NR1D2: variants seen among roughly 807,000 people sequenced by gnomAD.
The protein encoded by NR1D2 is V-erbA-related protein 1-related.
In NR1D2, 25 loss-of-function variants were observed where a neutral mutation model predicts 52.2. That is an observed-to-expected ratio of 0.48 (90% confidence interval 0.35 to 0.67). The LOEUF is 0.67. NR1D2 is among the 30% of genes least tolerant of loss of function. The pLI is 0.01. For missense variants in NR1D2, 681 were observed against 707.2 expected, an observed-to-expected ratio of 0.96 and a Z score of 0.42; for synonymous variants, 259 against 230.1, an observed-to-expected ratio of 1.13 and a Z score of -1.14.
At chr3:23,949,562 T>C (rs1247744929) in intron 1 of NR1D2, among the ~76,000 whole-genome samples, 1 of 152,236 alleles carries the variant, frequency 6.6e-6, no homozygotes, top group Non-Finnish European at 1.5e-5. Flanking sequence ...TTGCTCCTAA[T>C]AACATAGGTG....
intron 5 of NR1D2, chr3:23,963,491 C>A: frequency 2.4e-6 from 2 of 817,522 alleles, no homozygotes; most frequent in Non-Finnish European, 3.0e-6. Context: ...GCTCTGTTGC[C>A]CAGGCTGGAG....
At chr3:23,948,010 T>A (rs1575143885) in intron 1 of NR1D2, among the ~76,000 whole-genome samples, 4 of 151,744 alleles carry the variant, frequency 2.6e-5, no homozygotes, top group African/African-American at 2.4e-5. Context: ...CCCAGCTACT[T>A]ATGAGGCTGA....
chr3:23,946,375 G>A (rs1559327516), intron 1 of NR1D2: 1 of 872,602 alleles, frequency 1.1e-6, no homozygotes, highest in Non-Finnish European at 1.4e-6. Flanking sequence ...CAGGCCGGAG[G>A]AGGCGCCTCG....
At chr3:23,968,793 G>T (rs1027635139) in intron 7 of NR1D2, among the ~76,000 whole-genome samples, 3 of 152,160 alleles carry the variant, frequency 2.0e-5, no homozygotes, top group Non-Finnish European at 4.4e-5. Flanking sequence ...ACTTTCCTGG[G>T]TATGTCTAAG....
At chr3:23,963,923 T>G (rs1465337622) in intron 5 of NR1D2, among the ~76,000 whole-genome samples, 5 of 151,548 alleles carry the variant, frequency 3.3e-5, no homozygotes, top group Non-Finnish European at 5.9e-5. Context: ...TTTGGTGTTT[T>G]TTTTTTTTTT....
intron 7 of NR1D2, among the ~76,000 whole-genome samples, chr3:23,975,209 C>T (rs113621500): frequency 7.1e-4 from 108 of 152,224 alleles, no homozygotes; most frequent in African/African-American, 1.4e-3. Context: ...CAGCCTTGAC[C>T]TGGGTTTAAG....
chr3:23,975,188 G>A (rs1350313538), intron 7 of NR1D2, among the ~76,000 whole-genome samples: 1 of 151,894 alleles, frequency 6.6e-6, no homozygotes, highest in Non-Finnish European at 1.5e-5. Context: ...TGGAATGATC[G>A]TGGGTCACTG....
In NR1D2 at chr3:23,978,737, C is replaced by T. The variant is rs183154117; in HGVS notation, c.*1318C>T. ...GCGTGTGTATGTTCTGAGTCCACTT[C>T]TTTTTTCCTAAATAACACTACAGGG... is the stretch of plus-strand genomic sequence containing the variant. On this transcript the variant is annotated 3_prime_UTR_variant, in exon 8 of 8. Transcript: ENST00000312521. The T allele has an allele frequency of 6.6e-6, 1 of 151,998 alleles. No individual in the cohort carries two copies. The highest frequency in any genetic ancestry group is 1.9e-4 in the East Asian group (1 of 5,186). 9.4% of individuals were successfully genotyped at this position (151,998 alleles called of 1,614,324 possible).
chr3:23,978,085 T>C lies in NR1D2; in HGVS notation c.*666T>C, dbSNP rs1043016155. ...TTATTACAATTATTCATAATAATATTCTTTTCTTATTTCTAAGCCTTTCTG... is the reference window on the plus strand; with the variant it reads ...TTATTACAATTATTCATAATAATATCCTTTTCTTATTTCTAAGCCTTTCTG... On this transcript the variant is annotated 3_prime_UTR_variant, in exon 8 of 8. Coordinates refer to ENST00000312521, the MANE Select transcript of NR1D2 (RefSeq NM_005126.5). 1 of 152,194 alleles carries C rather than the reference T, an allele frequency of 6.6e-6. No individual in the cohort carries two copies. The highest frequency in any genetic ancestry group is 2.4e-5 in the African/African-American group (1 of 41,454). The allele number at this position is 152,194 out of a possible 1,614,324, so 9.4% of individuals were successfully genotyped here.
Position 23,971,301 on chromosome 3 carries a change from C to CCATTTTTT in NR1D2, c.1543+3278_1543+3279insCATTTTTT, listed in dbSNP as rs201185985. 2.7e-5 allele frequency among the ~76,000 whole-genome samples: 3 copies of CCATTTTTT among 110,850 alleles called. 1 individual carries two copies. Among genetic ancestry groups the CCATTTTTT allele is most frequent in the Non-Finnish European group, 5.5e-5 (3 of 54,840 alleles). The allele number at this position is 110,850 out of a possible 152,430, so 72.7% of individuals were successfully genotyped here. ...GAATATAATGCTTATATCTCTATAC[C>CCATTTTTT]TATTTTTTTTTTTTTTTTTTTTGAG... On this transcript the variant is annotated intron_variant, in intron 7 of 7. Coordinates refer to ENST00000312521, the MANE Select transcript of NR1D2 (RefSeq NM_005126.5).
At chr3:23,963,182 G>A (rs560061716) in intron 5 of NR1D2, 39 of 968,146 alleles carry the variant, frequency 4.0e-5, no homozygotes, top group Non-Finnish European at 5.6e-5. Context: ...TATCATTGAA[G>A]CTTTTCTATT....
At chr3:23,960,257 T>G (rs1706201745) in intron 4 of NR1D2, among the ~76,000 whole-genome samples, 1 of 152,030 alleles carries the variant, frequency 6.6e-6, no homozygotes, top group African/African-American at 2.4e-5. Flanking sequence ...AAAAAAAAAT[T>G]AGCTGAGCGT....
At chr3:23,972,411 C>T (rs1338032773) in intron 7 of NR1D2, among the ~76,000 whole-genome samples, 3 of 152,122 alleles carry the variant, frequency 2.0e-5, no homozygotes, top group Non-Finnish European at 4.4e-5. Flanking sequence ...ATGATGTTTG[C>T]CTGTAAGATT....
intron 7 of NR1D2, among the ~76,000 whole-genome samples, chr3:23,971,097 T>C (rs1706576685): frequency 6.6e-6 from 1 of 151,736 alleles, no homozygotes; most frequent in African/African-American, 2.4e-5. Context: ...CAGCATAAAT[T>C]ACTAGCTGTT....
chr3:23,978,190 A>T lies in NR1D2; in HGVS notation c.*771A>T, dbSNP rs576614238. On this transcript the variant is annotated 3_prime_UTR_variant, in exon 8 of 8. Coordinates refer to ENST00000312521, the MANE Select transcript of NR1D2 (RefSeq NM_005126.5). ...TGGGGTATCCTACTGATACACACGT[A>T]TTCAAAGTTTATGGGTACAACAAAG... The T allele has an allele frequency of 1.3e-5, 2 of 152,318 alleles. No homozygotes were observed. Among genetic ancestry groups the T allele is most frequent in the South Asian group, 4.1e-4 (2 of 4,822 alleles). The allele number at this position is 152,318 out of a possible 1,614,324, so 9.4% of individuals were successfully genotyped here.
chr3:23,954,290 C>T (rs1706024839), intron 1 of NR1D2, among the ~76,000 whole-genome samples: 1 of 152,226 alleles, frequency 6.6e-6, no homozygotes, highest in Non-Finnish European at 1.5e-5. Context: ...TGATTACAGG[C>T]ATGAGCCAGT....
rs370209924 is a variant in NR1D2, at chr3:23,955,843, C to CA, written c.284-184dup. ...ATCTTTAAAACAAAACAAAGCAAAA[C>CA]AAAAAAAAAACACCGTAAGAAAATT... On this transcript the variant is annotated intron_variant, in intron 2 of 7. Transcript: ENST00000312521. Among the ~76,000 whole-genome samples, 153 of 146,374 alleles carry CA rather than the reference C, an allele frequency of 1.0e-3. 1 individual carries two copies. Among genetic ancestry groups the CA allele is most frequent in the African/African-American group, 2.2e-3 (89 of 39,878 alleles).
chr3:23,966,311 A>C (rs1361937062), intron 6 of NR1D2, among the ~76,000 whole-genome samples: 3 of 152,242 alleles, frequency 2.0e-5, no homozygotes, highest in African/African-American at 7.2e-5. Flanking sequence ...ATAATTGTTA[A>C]CCGATTTAAC....
rs1706825494 is a variant in NR1D2 at position 23,979,693 on chromosome 3, A to G, written c.*2274A>G. The G allele has an allele frequency of 6.6e-6, 1 of 152,138 alleles. No individual in the cohort carries two copies. Among genetic ancestry groups the G allele is most frequent in the African/African-American group, 2.4e-5 (1 of 41,464 alleles). The allele number at this position is 152,138 out of a possible 1,614,324, so 9.4% of individuals were successfully genotyped here. A position where few individuals can be genotyped will look rare whatever the true frequency, so the allele number is the denominator to read the frequency against. On this transcript the variant is annotated 3_prime_UTR_variant, in exon 8 of 8. Transcript: ENST00000312521. ...TCATAGCATTTCTATATTTGAAAGT[A>G]GCCCAATATAAAACTTTTGATTCTA...
Sources: gnomAD v4.1 joint callset for allele counts (sites outside exome capture counted in the v4.1 genomes callset) on GRCh38, gnomAD v4.1.1 for gene constraint, MANE v1.5 for transcripts, NCBI Gene and HGNC (gene_info 2026-07-23, HGNC 2026-07-21) for gene names.